Variants in EDEM2 observed in about 807,000 individuals in gnomAD.
EDEM2 encodes the protein ER degradation enhancing alpha-mannosidase like protein 2.
Under a neutral mutation model 64.8 loss-of-function variants are expected in EDEM2, and 39 were observed. The observed-to-expected ratio is 0.60, with a 90% confidence interval of 0.47 to 0.79. The LOEUF (loss-of-function observed/expected upper bound fraction) is 0.79, where lower values mean the gene tolerates loss of function less well. Ranked by LOEUF, EDEM2 falls within the 30% of genes least tolerant of loss-of-function variation. The pLI, the probability that EDEM2 is intolerant of heterozygous loss-of-function variation, is 0.00. For synonymous variants in EDEM2, 296 were observed against 291.5 expected, an observed-to-expected ratio of 1.02 and a Z score of -0.16; for missense variants, 609 against 731.3, an observed-to-expected ratio of 0.83 and a Z score of 1.93.
At chr20:35,146,240 TAAAAA>T (rs1255279418) in intron 2 of EDEM2, among the ~76,000 whole-genome samples, 1 of 152,072 alleles carries the variant, frequency 6.6e-6, no homozygotes, top group Non-Finnish European at 1.5e-5. Flanking sequence ...TGTTTCAACT[TAAAAA>T]AATAAAAACC....
At chr20:35,147,037 C>G in intron 1 of EDEM2, 102 bp from the exon 2 acceptor site, 1 of 1,547,520 alleles carries the variant, frequency 6.5e-7, no homozygotes, top group South Asian at 1.2e-5. Context: ...GCTGATTTCT[C>G]CCTGGGACCT....
rs929783516 is a variant in EDEM2, at chr20:35,137,909, G to A, written c.461C>T (p.Ala154Val). The A allele has an allele frequency of 6.2e-7, 1 of 1,614,170 alleles. No individual in the cohort carries two copies. Among genetic ancestry groups the A allele is most frequent in the Non-Finnish European group, 8.5e-7 (1 of 1,180,028 alleles). Reference sequence around the variant, plus strand: ...GAGGAGTTTTCGGGCCGCCTCCTCAGCCATTCTCAGGAGAGGCCCGGAACA... The same window carrying A: ...GAGGAGTTTTCGGGCCGCCTCCTCAACCATTCTCAGGAGAGGCCCGGAACA... ...WPCSGPLLRM[A>V]EEAARKLLPA... Residue 154 changes from alanine (A) to valine (V), a missense_variant, in exon 5 of 11, where the codon GCT (alanine) becomes GTT (valine). Physicochemically the swap from Ala to Val is moderately conservative, Grantham distance 64 (BLOSUM62 0). Transcript: ENST00000374492.
At chr20:35,116,043 G>A in intron 10 of EDEM2, 110 bp from the exon 11 acceptor site, 1 of 1,211,708 alleles carries the variant, frequency 8.3e-7, no homozygotes, top group Non-Finnish European at 1.2e-6. Flanking sequence ...GAGGGCCTGT[G>A]AGCAAATCAC....
chr20:35,143,684 C>T (rs908819032), intron 3 of EDEM2, among the ~76,000 whole-genome samples: 2 of 152,194 alleles, frequency 1.3e-5, no homozygotes, highest in Non-Finnish European at 2.9e-5. Flanking sequence ...GATCCCATCC[C>T]TCTAGCTGTG....
rs114404548 is a variant in EDEM2 at position 35,133,038 on chromosome 20, G to A, written c.703-1255C>T. ...GGGGGAAGTGAGGCAGGGCAAGGGA[G>A]GCGGCATTTAAGGGGTATGCCATCA... On this transcript the variant is annotated intron_variant, in intron 6 of 10. Transcript: ENST00000374492. Among the ~76,000 whole-genome samples the A allele has an allele frequency of 9.1e-4, 138 of 152,320 alleles. No individual in the cohort carries two copies. The Middle Eastern group carries it at 0.01, about 11-fold the overall frequency.
Position 35,125,587 on chromosome 20 carries a change from T to C in EDEM2, c.969+664A>G, listed in dbSNP as rs1213223760. On this transcript the variant is annotated intron_variant, in intron 8 of 10. Transcript: ENST00000374492. The stretch of plus-strand genomic sequence containing the variant: ...TTTTAGTAGAGATGGGGTTTCACCG[T>C]GTTAGCCAGGATGGTCTCAATCTCC... Among the ~76,000 whole-genome samples the C allele has an allele frequency of 2.6e-5, 4 of 152,142 alleles. No homozygotes were observed. In the East Asian group the frequency reaches 5.8e-4, roughly 22 times the overall value.
chr20:35,146,795 G>A lies in EDEM2; in HGVS notation c.218+30C>T, dbSNP rs781383161. 1.9e-6 allele frequency: 3 copies of A among 1,608,462 alleles called. No individual in the cohort carries two copies. In the South Asian group the frequency reaches 3.3e-5, roughly 18 times the overall value. On this transcript the variant is annotated intron_variant, in intron 2 of 10. Coordinates refer to ENST00000374492, the MANE Select transcript of EDEM2 (RefSeq NM_018217.3). ...GCCGAGGCCCAGAGAGTCAGACCCT[G>A]GCCGCCCCTTGCCCCTCCGCTCGCA...
rs776054379 is a variant in EDEM2, at chr20:35,115,768, C to A, written c.1402G>T (p.Ala468Ser). The A allele has an allele frequency of 3.7e-6, 6 of 1,614,202 alleles. No homozygotes were observed. The highest frequency in any genetic ancestry group is 1.1e-5 in the South Asian group (1 of 91,086). The change falls in exon 11 of 11, where the codon GCT (alanine) becomes TCT (serine). Residue 468 changes from alanine (A) to serine (S), a missense_variant. Ala to Ser is a moderately conservative substitution (Grantham distance 99). Coordinates refer to ENST00000374492, the MANE Select transcript of EDEM2 (RefSeq NM_018217.3). The part of the protein sequence containing the change: ...ITPYGECILG[A>S]GGYIFNTEAH... ...TCTGTGTTGAAGATGTACCCCCCAG[C>A]CCCCAGGATGCACTCCCCATAGGGG...
chr20:35,127,179 C>T (rs527702101), intron 7 of EDEM2, among the ~76,000 whole-genome samples: 1 of 152,306 alleles, frequency 6.6e-6, no homozygotes, highest in Admixed American at 6.5e-5. Flanking sequence ...TCGCCTTCCG[C>T]CACGATTGTG....
intron 7 of EDEM2, among the ~76,000 whole-genome samples, chr20:35,130,907 G>C (rs1668109867): frequency 6.6e-6 from 1 of 152,160 alleles, no homozygotes; most frequent in South Asian, 2.1e-4. Context: ...AGATGAGTAA[G>C]GCATGGATTC....
intron 9 of EDEM2, 113 bp from the exon 10 acceptor site, chr20:35,118,832 C>T: frequency 6.9e-7 from 1 of 1,451,558 alleles, no homozygotes; most frequent in Non-Finnish European, 9.3e-7. Flanking sequence ...AAGGCCCCAA[C>T]TAGCAGGAAC....
rs758088980 is a variant in EDEM2 at position 35,147,173 on chromosome 20, G to C, written c.86C>G (p.Ala29Gly). The C allele has an allele frequency of 2.5e-6, 4 of 1,602,640 alleles. No individual in the cohort carries two copies. The African/African-American group carries it at 5.4e-5, about 21-fold the overall frequency. The change falls in exon 1 of 11, where the codon GCG (alanine) becomes GGG (glycine). Residue 29 changes from alanine to glycine, a missense_variant. Physicochemically the swap from Ala to Gly is moderately conservative, Grantham distance 60 (BLOSUM62 0). Transcript: ENST00000374492. ...TCACCTGTAGTGGGCGGGATCTGGC[G>C]CGGAGCCGTCGGGACCTGGCGCACC... ...HHGAPGPDGS[A>G]PDPAHYRERV...
At chr20:35,142,018 C>T (rs911662611) in intron 4 of EDEM2, among the ~76,000 whole-genome samples, 2 of 152,192 alleles carry the variant, frequency 1.3e-5, no homozygotes, top group Non-Finnish European at 2.9e-5. Context: ...AAGACATTTC[C>T]ATCACTGCAG....
intron 10 of EDEM2, among the ~76,000 whole-genome samples, chr20:35,116,574 C>T (rs576370981): frequency 4.6e-5 from 7 of 152,262 alleles, no homozygotes; most frequent in African/African-American, 1.7e-4. Context: ...TGTTCCCTCC[C>T]TTCCTTCAGG....
intron 4 of EDEM2, among the ~76,000 whole-genome samples, chr20:35,140,564 G>T (rs916810161): frequency 4.6e-5 from 7 of 152,106 alleles, no homozygotes; most frequent in Non-Finnish European, 1.0e-4. Flanking sequence ...TGTATGGAAG[G>T]TTTAAAACAA....
chr20:35,144,142 C>T (rs2085696610), intron 3 of EDEM2, among the ~76,000 whole-genome samples: 1 of 152,072 alleles, frequency 6.6e-6, no homozygotes, highest in Admixed American at 6.5e-5. Context: ...CTCCTGTGCT[C>T]AAGCAGTCCT....
At chr20:35,130,926 A>C (rs1191642701) in intron 7 of EDEM2, among the ~76,000 whole-genome samples, 1 of 152,320 alleles carries the variant, frequency 6.6e-6, no homozygotes, top group South Asian at 2.1e-4. Context: ...TCTGCATTCA[A>C]TTTGTAGAGC....
intron 4 of EDEM2, among the ~76,000 whole-genome samples, chr20:35,140,818 C>T (rs934424605): frequency 1.3e-5 from 2 of 151,840 alleles, no homozygotes; most frequent in African/African-American, 2.4e-5. Context: ...AATAAAGGAA[C>T]ATAAAGAAGA....
chr20:35,142,787 A>T (rs2085675609), intron 3 of EDEM2, among the ~76,000 whole-genome samples: 1 of 152,178 alleles, frequency 6.6e-6, no homozygotes, highest in South Asian at 2.1e-4. Flanking sequence ...TTTTTTTGAG[A>T]CAGAGTCTCG....
Sources: allele counts gnomAD v4.1 joint callset (sites outside exome capture counted in the v4.1 genomes callset), GRCh38; gene constraint gnomAD v4.1.1; transcripts MANE v1.5; gene names NCBI Gene and HGNC (gene_info 2026-07-23, HGNC 2026-07-21).